The following DOK6 variants were observed in gnomAD, a reference collection of about 807,000 sequenced individuals.
The protein encoded by DOK6 is docking protein 6.
In DOK6, 22 loss-of-function variants were observed where a neutral mutation model predicts 44.0. The observed-to-expected ratio is 0.50, with a 90% CI of 0.36 to 0.71. DOK6 has a LOEUF of 0.71. Among genes scored for constraint, DOK6 ranks in the 30% least tolerant of loss-of-function variants. The pLI is 0.00. For synonymous variants in DOK6, 166 were observed against 145.5 expected, an observed-to-expected ratio of 1.14 and a Z score of -1.01; for missense variants, 340 against 416.4, an observed-to-expected ratio of 0.82 and a Z score of 1.60.
At chr18:69,436,922 T>A (rs1978996331) in intron 1 of DOK6, among the ~76,000 whole-genome samples, 2 of 152,212 alleles carry the variant, frequency 1.3e-5, no homozygotes, top group African/African-American at 4.8e-5. Flanking sequence ...GATGATGAGC[T>A]TTTTTTCTAT....
intron 3 of DOK6, among the ~76,000 whole-genome samples, chr18:69,655,481 G>A (rs546339060): frequency 6.6e-6 from 1 of 152,074 alleles, no homozygotes; most frequent in East Asian, 1.9e-4. Context: ...GGTTGGGCGC[G>A]GTGGCTCACG....
chr18:69,581,061 C>G (rs2144609850), intron 2 of DOK6, among the ~76,000 whole-genome samples: 1 of 152,246 alleles, frequency 6.6e-6, no homozygotes, highest in South Asian at 2.1e-4. Flanking sequence ...GAATAGTATT[C>G]CATCGTGTAT....
At chr18:69,419,275 C>T (rs1217364380) in intron 1 of DOK6, among the ~76,000 whole-genome samples, 4 of 152,226 alleles carry the variant, frequency 2.6e-5, no homozygotes, top group South Asian at 4.1e-4. Flanking sequence ...ATCCAAAACG[C>T]GCACATAGCT....
At chr18:69,507,228 C>A (rs777240467) in intron 1 of DOK6, among the ~76,000 whole-genome samples, 1 of 151,898 alleles carries the variant, frequency 6.6e-6, no homozygotes, top group Non-Finnish European at 1.5e-5. Context: ...GGGGTTTCAC[C>A]GTGTTAGCCA....
At chr18:69,485,141 C>T (rs991902253) in intron 1 of DOK6, among the ~76,000 whole-genome samples, 7 of 152,180 alleles carry the variant, frequency 4.6e-5, no homozygotes, top group African/African-American at 1.7e-4. Context: ...TTGCACATCC[C>T]TTTGGGATTT....
At chr18:69,599,193 A>G (rs1304889481) in intron 2 of DOK6, among the ~76,000 whole-genome samples, 191 bp from the exon 3 acceptor site, 1 of 152,166 alleles carries the variant, frequency 6.6e-6, no homozygotes, top group Non-Finnish European at 1.5e-5. Context: ...ATAGTCTGTG[A>G]CCAAAGTTAA....
chr18:69,468,982 G>A (rs1980007910), intron 1 of DOK6, among the ~76,000 whole-genome samples: 1 of 152,202 alleles, frequency 6.6e-6, no homozygotes, highest in East Asian at 1.9e-4. Flanking sequence ...GGACAAAGGA[G>A]GTGTGCGAGG....
intron 6 of DOK6, among the ~76,000 whole-genome samples, chr18:69,753,823 AC>A (rs1979264786): frequency 1.0e-5 from 1 of 96,608 alleles, no homozygotes; most frequent in Non-Finnish European, 2.9e-5. Flanking sequence ...GCTGTTTGAG[AC>A]TTTTTTTTTT....
intron 3 of DOK6, among the ~76,000 whole-genome samples, chr18:69,626,290 G>A (rs1984555044): frequency 2.6e-5 from 4 of 152,182 alleles, no homozygotes; most frequent in African/African-American, 9.7e-5. Flanking sequence ...AGCTAAGCCA[G>A]AGTTGTATTT....
Position 69,841,553 on chromosome 18 carries a change from T to G in DOK6, c.*170T>G, listed in dbSNP as rs1982221910. ...CTGGAGTTCTGCTTCCTTGATTCAG[T>G]GGCTAAGTCCTTTATTTATTGAATT... On this transcript the variant is annotated 3_prime_UTR_variant, in exon 8 of 8. Transcript: ENST00000382713. 1 of 795,834 alleles carries G rather than the reference T, an allele frequency of 1.3e-6. No individual in the cohort carries two copies. The highest frequency in any genetic ancestry group is 3.0e-5 in the Admixed American group (1 of 33,336). The allele number at this position is 795,834 out of a possible 1,614,324, so 49.3% of individuals were successfully genotyped here.
At chr18:69,633,762 A>T (rs1984741431) in intron 3 of DOK6, among the ~76,000 whole-genome samples, 1 of 152,178 alleles carries the variant, frequency 6.6e-6, no homozygotes, top group Non-Finnish European at 1.5e-5. Context: ...TTCTGGCAAA[A>T]TATATGCTTA....
intron 1 of DOK6, among the ~76,000 whole-genome samples, chr18:69,495,158 A>T (rs531524080): frequency 1.9e-4 from 29 of 152,340 alleles, no homozygotes; most frequent in African/African-American, 6.7e-4. Flanking sequence ...AGCTGCCCCC[A>T]GGGAACGCAG....
chr18:69,757,229 A>T (rs1050959768), intron 6 of DOK6, among the ~76,000 whole-genome samples: 1 of 152,224 alleles, frequency 6.6e-6, no homozygotes, highest in African/African-American at 2.4e-5. Flanking sequence ...TTGAGAAAAT[A>T]TCCATTGTGT....
chr18:69,483,366 C>G (rs1980484273), intron 1 of DOK6, among the ~76,000 whole-genome samples: 2 of 152,068 alleles, frequency 1.3e-5, no homozygotes, highest in Middle Eastern at 3.4e-3. Flanking sequence ...GGAATGAACT[C>G]TCATTCACAA....
At chr18:69,524,444 G>A (rs896047759) in intron 1 of DOK6, among the ~76,000 whole-genome samples, 4 of 151,854 alleles carry the variant, frequency 2.6e-5, no homozygotes, top group African/African-American at 9.7e-5. Context: ...CACTTTCATT[G>A]TACTTATACT....
intron 7 of DOK6, among the ~76,000 whole-genome samples, chr18:69,781,934 A>C (rs1332791599): frequency 6.6e-6 from 1 of 152,172 alleles, no homozygotes; most frequent in Non-Finnish European, 1.5e-5. Context: ...CATTAAAGAA[A>C]AATAATTACT....
intron 1 of DOK6, among the ~76,000 whole-genome samples, chr18:69,465,247 A>G (rs188976244): frequency 7.9e-5 from 12 of 152,260 alleles, no homozygotes; most frequent in Admixed American, 2.6e-4. Flanking sequence ...TTTCATTTAC[A>G]TAAGAAGATA....
chr18:69,794,764 C>A (rs1186932310), intron 7 of DOK6, among the ~76,000 whole-genome samples: 5 of 152,144 alleles, frequency 3.3e-5, no homozygotes, highest in Admixed American at 3.3e-4. Context: ...CACATTCCTA[C>A]CTGAGCTCTA....
At chr18:69,672,659 T>A (rs1219896194) in intron 3 of DOK6, among the ~76,000 whole-genome samples, 2 of 143,052 alleles carry the variant, frequency 1.4e-5, no homozygotes, top group East Asian at 4.1e-4. Context: ...CGCCCGGCAG[T>A]GTTTGTGTTT....
Sources: allele counts gnomAD v4.1 joint callset (sites outside exome capture counted in the v4.1 genomes callset), GRCh38; gene constraint gnomAD v4.1.1; transcripts MANE v1.5; gene names NCBI Gene and HGNC (gene_info 2026-07-23, HGNC 2026-07-21).